The following RABGAP1L variants were observed in gnomAD, a reference collection of about 807,000 sequenced individuals.
The protein encoded by RABGAP1L is rab GTPase-activating protein 1-like.
Under a neutral mutation model 137.7 loss-of-function variants are expected in RABGAP1L, and 63 were observed. The observed-to-expected ratio is 0.46, with a 90% CI of 0.37 to 0.56. The LOEUF is 0.56. RABGAP1L is among the 20% of genes least tolerant of loss of function. The probability of loss-of-function intolerance (pLI) is 0.00; values close to 1 mark genes in which losing one functional copy is unlikely to be tolerated. For synonymous variants in RABGAP1L, 431 were observed against 433.7 expected, an observed-to-expected ratio of 0.99 and a Z score of 0.08; for missense variants, 1,095 against 1,244.0, an observed-to-expected ratio of 0.88 and a Z score of 1.80.
chr1:174,569,747 G>C (rs375144406), intron 13 of RABGAP1L, among the ~76,000 whole-genome samples: 12 of 152,170 alleles, frequency 7.9e-5, no homozygotes, highest in East Asian at 7.7e-4. Context: ...GAATTCAGTG[G>C]TGTATTTTCT....
chr1:174,807,471 A>G (rs1312668489), intron 18 of RABGAP1L, among the ~76,000 whole-genome samples: 1 of 152,246 alleles, frequency 6.6e-6, no homozygotes, highest in African/African-American at 2.4e-5. Flanking sequence ...CCTTGATTGT[A>G]GAGGGAAAAA....
chr1:174,472,538 A>G (rs191639469), intron 13 of RABGAP1L, among the ~76,000 whole-genome samples: 10 of 152,296 alleles, frequency 6.6e-5, no homozygotes, highest in African/African-American at 2.4e-4. Context: ...CAGTAAAGGG[A>G]AAAGGCACAT....
intron 13 of RABGAP1L, among the ~76,000 whole-genome samples, chr1:174,614,867 T>C (rs370749248): frequency 3.9e-5 from 6 of 152,304 alleles, no homozygotes; most frequent in South Asian, 4.1e-4. Flanking sequence ...CAGTTGATCG[T>C]ATCGGCTCCT....
At chr1:174,613,463 A>T (rs956643132) in intron 13 of RABGAP1L, among the ~76,000 whole-genome samples, 77 of 151,852 alleles carry the variant, frequency 5.1e-4, no homozygotes, top group African/African-American at 1.5e-3. Context: ...TGCTGAGGAG[A>T]GCTTTACTTC....
chr1:174,275,711 A>G, intron 8 of RABGAP1L, 122 bp from the exon 9 acceptor site: 1 of 607,942 alleles, frequency 1.6e-6, no homozygotes, highest in Non-Finnish European at 2.8e-6. Flanking sequence ...CAGTGAATAT[A>G]AAGCTCCTGC....
chr1:174,526,337 A>G (rs917634520), intron 13 of RABGAP1L, among the ~76,000 whole-genome samples: 1 of 152,194 alleles, frequency 6.6e-6, no homozygotes, highest in South Asian at 2.1e-4. Flanking sequence ...TTTTGGTATC[A>G]TGGTAATGCT....
At chr1:174,554,584 T>C (rs1666756368) in intron 13 of RABGAP1L, among the ~76,000 whole-genome samples, 1 of 152,204 alleles carries the variant, frequency 6.6e-6, no homozygotes, top group South Asian at 2.1e-4. Flanking sequence ...ATGAAGTGTT[T>C]GTTTTTTATT....
intron 1 of RABGAP1L, among the ~76,000 whole-genome samples, chr1:174,212,057 A>G (rs906641991): frequency 1.3e-5 from 2 of 152,190 alleles, no homozygotes; most frequent in African/African-American, 4.8e-5. Flanking sequence ...CACTTTCAAC[A>G]TTGAACAGAT....
At chr1:174,301,567 A>G (rs1345483698) in intron 10 of RABGAP1L, among the ~76,000 whole-genome samples, 1 of 151,730 alleles carries the variant, frequency 6.6e-6, no homozygotes, top group African/African-American at 2.4e-5. Flanking sequence ...CCCATGACCA[A>G]GAAGAATAGG....
chr1:174,547,375 G>T (rs1254062840), intron 13 of RABGAP1L, among the ~76,000 whole-genome samples: 1 of 152,164 alleles, frequency 6.6e-6, no homozygotes, highest in Non-Finnish European at 1.5e-5. Context: ...CTGGTACTTT[G>T]GAAGGCCGAG....
chr1:174,958,553 C>A (rs542506409), intron 20 of RABGAP1L, among the ~76,000 whole-genome samples: 1 of 152,272 alleles, frequency 6.6e-6, no homozygotes, highest in Admixed American at 6.5e-5. Context: ...GACTGTGTGG[C>A]ATTATTAATT....
intron 17 of RABGAP1L, among the ~76,000 whole-genome samples, chr1:174,717,020 A>G (rs553241582): frequency 2.5e-4 from 38 of 152,346 alleles, no homozygotes; most frequent in African/African-American, 7.9e-4. Context: ...TTTATCCATA[A>G]GAATCCTTAA....
intron 11 of RABGAP1L, chr1:174,367,174 A>G (rs951203688): frequency 1.7e-4 from 26 of 152,928 alleles, no homozygotes; most frequent in Middle Eastern, 2.2e-3. Flanking sequence ...AGGATCCCAA[A>G]GTGCTCATTC....
chr1:174,794,685 G>C (rs1023376410), intron 18 of RABGAP1L, among the ~76,000 whole-genome samples: 1 of 152,118 alleles, frequency 6.6e-6, no homozygotes, highest in African/African-American at 2.4e-5. Flanking sequence ...GCCCATCCCA[G>C]TAGTATAAAC....
At chr1:174,874,460 C>A (rs1056996799) in intron 19 of RABGAP1L, 1 of 985,102 alleles carries the variant, frequency 1.0e-6, no homozygotes, top group Non-Finnish European at 1.2e-6. Flanking sequence ...ATTTGGTTAC[C>A]GGGAGTGTGG....
At position 174,256,782 on chromosome 1, in the gene RABGAP1L, C is replaced by T. The variant is rs979826529; in HGVS notation, c.986+4192C>T. Among the ~76,000 whole-genome samples, 4 of 151,896 alleles carry T rather than the reference C, an allele frequency of 2.6e-5. No homozygotes were observed. The South Asian group carries it at 8.3e-4, about 32-fold the overall frequency. On this transcript the variant is annotated intron_variant, in intron 7 of 25. Transcript: ENST00000681986. The stretch of plus-strand genomic sequence containing the variant: ...GTGACAGAGGGAGACTCCGTCTCAA[C>T]AAAACAAAACAAAACAAAACAACCA...
chr1:174,176,055 T>G (rs572704270), intron 1 of RABGAP1L, among the ~76,000 whole-genome samples: 2 of 152,246 alleles, frequency 1.3e-5, no homozygotes, highest in Non-Finnish European at 2.9e-5. Context: ...TATTTGTCAC[T>G]GCATTCACCC....
intron 13 of RABGAP1L, among the ~76,000 whole-genome samples, chr1:174,635,665 C>T (rs1185951931): frequency 6.6e-6 from 1 of 152,088 alleles, no homozygotes; most frequent in Non-Finnish European, 1.5e-5. Context: ...TCAGGTTTAG[C>T]ATTTCATTCC....
chr1:174,483,594 C>G (rs920664521), intron 13 of RABGAP1L, among the ~76,000 whole-genome samples: 6 of 152,100 alleles, frequency 3.9e-5, no homozygotes, highest in African/African-American at 1.4e-4. Context: ...GTAATCCCAG[C>G]ACTTTGGGAG....
Sources: allele counts gnomAD v4.1 joint callset (sites outside exome capture counted in the v4.1 genomes callset), GRCh38; gene constraint gnomAD v4.1.1; transcripts MANE v1.5; gene names NCBI Gene and HGNC (gene_info 2026-07-23, HGNC 2026-07-21).